Variants in FBXL20 observed in about 807,000 individuals in gnomAD.
The protein encoded by FBXL20 is F-box and leucine rich repeat protein 20.
Under a neutral mutation model 64.0 loss-of-function variants are expected in FBXL20, and 11 were observed. That is an observed-to-expected ratio of 0.17 (90% CI 0.11 to 0.28). FBXL20 has a LOEUF of 0.28. FBXL20 is among the 10% of genes least tolerant of loss of function. The pLI is 1.00. For missense variants in FBXL20, 303 were observed against 526.2 expected (o/e 0.58, Z 4.15); for synonymous variants, 184 against 189.0 (o/e 0.97, Z 0.22).
At chr17:39,340,997 C>CTTT (rs11462275) in intron 2 of FBXL20, among the ~76,000 whole-genome samples, 1 of 120,076 alleles carries the variant, frequency 8.3e-6, no homozygotes, top group African/African-American at 3.1e-5. Context: ...CAAAGTTTTG[C>CTTT]TTTTTTTTTT....
chr17:39,339,500 C>T (rs557257585), intron 2 of FBXL20, among the ~76,000 whole-genome samples: 3 of 152,164 alleles, frequency 2.0e-5, no homozygotes, highest in Non-Finnish European at 2.9e-5. Flanking sequence ...TTTCCTGCTT[C>T]CCTGTTGAAG....
chr17:39,401,961 A>C, upstream of FBXL20: 1 of 445,582 alleles, frequency 2.2e-6, no homozygotes, highest in Non-Finnish European at 3.7e-6. Flanking sequence ...CGGACCAGCG[A>C]GGGAGAGTAG....
rs1442945566 is a variant in FBXL20 at position 39,275,294 on chromosome 17, G to A, written c.697-194C>T. On this transcript the variant is annotated intron_variant, in intron 9 of 14. Transcript: ENST00000264658. ...TTCCAGTTCTCTGTGCTTACCTTTGGTGCAAAGGGAAGAAGCTATAATAGA... is the reference window on the plus strand; with the variant it reads ...TTCCAGTTCTCTGTGCTTACCTTTGATGCAAAGGGAAGAAGCTATAATAGA... Among the ~76,000 whole-genome samples, 1 of 152,150 alleles carries A rather than the reference G, an allele frequency of 6.6e-6. No individual in the cohort carries two copies. The highest frequency in any genetic ancestry group is 1.9e-4 in the East Asian group (1 of 5,204).
chr17:39,336,972 C>T (rs1360839860), intron 2 of FBXL20, among the ~76,000 whole-genome samples: 1 of 151,866 alleles, frequency 6.6e-6, no homozygotes, highest in Non-Finnish European at 1.5e-5. Context: ...TCTCCCTCCT[C>T]TCCCTCTCCC....
chr17:39,401,264 C>G (rs112198258), intron 1 of FBXL20, 97 bp downstream of exon 1: 30,849 of 1,595,064 alleles, frequency 0.019, 710 homozygotes, highest in African/African-American at 0.11. Flanking sequence ...TGGGTGACGG[C>G]GCCTGCCAGG....
chr17:39,310,677 T>C (rs757049730), intron 2 of FBXL20, among the ~76,000 whole-genome samples: 14 of 151,884 alleles, frequency 9.2e-5, no homozygotes, highest in Non-Finnish European at 2.1e-4. Flanking sequence ...GGTGAGACCC[T>C]ATCTCTACAA....
chr17:39,358,775 A>G (rs2047766364), intron 1 of FBXL20, among the ~76,000 whole-genome samples: 1 of 152,186 alleles, frequency 6.6e-6, no homozygotes, highest in African/African-American at 2.4e-5. Context: ...GACAACCTAC[A>G]CATTAGGAGA....
At chr17:39,343,364 CA>C (rs892915875) in intron 1 of FBXL20, 123 bp from the exon 2 acceptor site, 1 of 578,208 alleles carries the variant, frequency 1.7e-6, no homozygotes, top group Non-Finnish European at 2.9e-6. Context: ...CATCATAAAC[CA>C]AAGTCATAAT....
intron 2 of FBXL20, among the ~76,000 whole-genome samples, chr17:39,338,598 T>G (rs1188122805): frequency 6.6e-6 from 1 of 152,210 alleles, no homozygotes; most frequent in East Asian, 1.9e-4. Context: ...AATGTAGTTC[T>G]AGCCAAAATA....
At chr17:39,284,194 C>T (rs1380103581) in intron 7 of FBXL20, among the ~76,000 whole-genome samples, 1 of 152,178 alleles carries the variant, frequency 6.6e-6, no homozygotes, top group Non-Finnish European at 1.5e-5. Flanking sequence ...TGACCATCCA[C>T]TCTACTTCAC....
intron 1 of FBXL20, among the ~76,000 whole-genome samples, chr17:39,361,723 G>A (rs951738034): frequency 6.6e-6 from 1 of 152,024 alleles, no homozygotes; most frequent in Admixed American, 6.6e-5. Context: ...CTTGAACCTG[G>A]GAGGCGGAGT....
intron 1 of FBXL20, among the ~76,000 whole-genome samples, chr17:39,364,473 G>C (rs1422455040): frequency 6.6e-6 from 1 of 152,170 alleles, no homozygotes; most frequent in Non-Finnish European, 1.5e-5. Flanking sequence ...TCTGGGCGTG[G>C]TGGTGCACAC....
chr17:39,361,828 G>C (rs765275589), intron 1 of FBXL20, among the ~76,000 whole-genome samples: 14 of 151,850 alleles, frequency 9.2e-5, no homozygotes, highest in Non-Finnish European at 2.1e-4. Context: ...CAGGCACAGT[G>C]GCTCATACCT....
At chr17:39,266,138 A>G (rs1295704535) in intron 12 of FBXL20, among the ~76,000 whole-genome samples, 1 of 133,242 alleles carries the variant, frequency 7.5e-6, no homozygotes, top group East Asian at 2.2e-4. Context: ...GCATGATCTC[A>G]GCTCACTGCA....
At chr17:39,293,369 A>T (rs1352814813) in intron 6 of FBXL20, among the ~76,000 whole-genome samples, 1 of 150,694 alleles carries the variant, frequency 6.6e-6, no homozygotes, top group Non-Finnish European at 1.5e-5. Context: ...TTACAGACAC[A>T]TGCTACCACG....
Position 39,264,361 on chromosome 17 carries a change from T to G in FBXL20, c.1017A>C (p.Thr339=). The G allele has an allele frequency of 6.2e-7, 1 of 1,613,634 alleles. No individual in the cohort carries two copies. The highest frequency in any genetic ancestry group is 8.5e-7 in the Non-Finnish European group (1 of 1,180,030). ...TCCCCAGGTGACGAATTCCATCATC[T>G]GTGATCAGCTCACAGTGAGACAGAC... ...VLSLSHCELI[T]DDGIRHLGNG... Residue 339 remains threonine (T), a synonymous_variant, in exon 14 of 15, where the codon ACA becomes ACC. Transcript: ENST00000264658.
At chr17:39,362,915 G>C (rs1402655160) in intron 1 of FBXL20, among the ~76,000 whole-genome samples, 1 of 152,090 alleles carries the variant, frequency 6.6e-6, no homozygotes, top group African/African-American at 2.4e-5. Context: ...ACTGCGCCTG[G>C]CCTAGTAAAC....
rs1015454061 is a variant in FBXL20, at chr17:39,258,793, T to C, written c.*2667A>G. On this transcript the variant is annotated 3_prime_UTR_variant, in exon 15 of 15. Coordinates refer to ENST00000264658, the MANE Select transcript of FBXL20 (RefSeq NM_032875.3). ...AACTTTAAAGCAGATGGCCCCTAAA[T>C]AGTTCTCTCCTTTAGTTTTGTTTGA... 9.8e-5 allele frequency: 15 copies of C among 152,350 alleles called. No individual in the cohort carries two copies. The highest frequency in any genetic ancestry group is 3.4e-4 in the African/African-American group (14 of 41,584). 9.4% of individuals were successfully genotyped at this position (152,350 alleles called of 1,614,324 possible). A position where few individuals can be genotyped will look rare whatever the true frequency, so the allele number is the denominator to read the frequency against.
chr17:39,284,793 C>A (rs1334765663), intron 7 of FBXL20, among the ~76,000 whole-genome samples: 1 of 152,060 alleles, frequency 6.6e-6, no homozygotes, highest in Non-Finnish European at 1.5e-5. Context: ...TATGGTGTTG[C>A]CTAATACCTT....
Sources: gnomAD v4.1 joint callset for allele counts (sites outside exome capture counted in the v4.1 genomes callset) on GRCh38, gnomAD v4.1.1 for gene constraint, MANE v1.5 for transcripts, NCBI Gene and HGNC (gene_info 2026-07-23, HGNC 2026-07-21) for gene names.